The following EXPH5 variants were observed in gnomAD, a reference collection of about 807,000 sequenced individuals.
The protein encoded by EXPH5 is exophilin 5, also known as exophilin-5.
In EXPH5, 42 loss-of-function variants were observed where a neutral mutation model predicts 41.1. The ratio of observed to expected loss-of-function variants is 1.02; its 90% CI spans 0.80 to 1.32. The LOEUF (loss-of-function observed/expected upper bound fraction) is 1.32, where lower values mean the gene tolerates loss of function less well. EXPH5 is among the 40% of genes most tolerant of loss of function. The probability of loss-of-function intolerance (pLI) is 0.00; values close to 1 mark genes in which losing one functional copy is unlikely to be tolerated. For synonymous variants in EXPH5, 798 were observed against 833.5 expected (o/e 0.96, Z 0.73); for missense variants, 2,298 against 2,314.5 (o/e 0.99, Z 0.15).
At chr11:108,573,207 A>G (rs2094068829) in intron 1 of EXPH5, among the ~76,000 whole-genome samples, 1 of 148,584 alleles carries the variant, frequency 6.7e-6, no homozygotes, top group Admixed American at 6.7e-5. Flanking sequence ...AAAAAGAAAG[A>G]AAGAAAGAAA....
At chr11:108,526,038 C>T (rs1258270126) in intron 4 of EXPH5, among the ~76,000 whole-genome samples, 2 of 151,630 alleles carry the variant, frequency 1.3e-5, no homozygotes, top group African/African-American at 4.8e-5. Context: ...CCTCAGCTTC[C>T]TGATTAGCTG....
Position 108,507,440 on chromosome 11 carries a change from C to T in EXPH5, c.*2097G>A, listed in dbSNP as rs185049322. On this transcript the variant is annotated 3_prime_UTR_variant, in exon 6 of 6. Coordinates refer to ENST00000265843, the MANE Select transcript of EXPH5 (RefSeq NM_015065.3). ...AAAAATGGAAAATTAGATTAGGTCGCGAAGCAAATATAAACCAAGCAAGAT... is the reference window on the plus strand; with the variant it reads ...AAAAATGGAAAATTAGATTAGGTCGTGAAGCAAATATAAACCAAGCAAGAT... The T allele has an allele frequency of 3.3e-5, 5 of 152,204 alleles. No individual in the cohort carries two copies. The highest frequency in any genetic ancestry group is 4.1e-4 in the South Asian group (2 of 4,822). The allele number at this position is 152,204 out of a possible 1,614,324, so 9.4% of individuals were successfully genotyped here. A position where few individuals can be genotyped will look rare whatever the true frequency, so the allele number is the denominator to read the frequency against.
intron 4 of EXPH5, among the ~76,000 whole-genome samples, chr11:108,524,725 G>A (rs2135970226): frequency 6.6e-6 from 1 of 152,298 alleles, no homozygotes; most frequent in South Asian, 2.1e-4. Context: ...GTTATCAAAT[G>A]CCTTGGTAAA....
intron 1 of EXPH5, among the ~76,000 whole-genome samples, chr11:108,585,360 G>A (rs1009198561): frequency 3.9e-5 from 6 of 152,172 alleles, no homozygotes; most frequent in African/African-American, 1.4e-4. Context: ...GTAAGGGATG[G>A]GGCCTTTGGC....
rs201189618 is a variant in EXPH5 at position 108,541,849 on chromosome 11, A to G, written c.120-37T>C. 18 of 1,488,392 alleles carry G rather than the reference A, an allele frequency of 1.2e-5. No homozygotes were observed. In the East Asian group the frequency reaches 3.9e-4, roughly 32 times the overall value. 92.2% of individuals were successfully genotyped at this position (1,488,392 alleles called of 1,614,324 possible). Reference sequence around the variant, plus strand: ...TAAAACATTAATGTGGTCTTTATTTATTTTCTTAACATCAAGCTCATCCTT... The same window carrying G: ...TAAAACATTAATGTGGTCTTTATTTGTTTTCTTAACATCAAGCTCATCCTT... On this transcript the variant is annotated intron_variant, in intron 1 of 5. Coordinates refer to ENST00000265843, the MANE Select transcript of EXPH5 (RefSeq NM_015065.3).
At position 108,560,539 on chromosome 11, in the gene EXPH5, T is replaced by G. The variant is rs994347541; in HGVS notation, c.120-18727A>C. On this transcript the variant is annotated intron_variant, in intron 1 of 5. Transcript: ENST00000265843. ...AACTTTGAGCATTCCTCTTGAATCC[T>G]TGCACTAAAGGTTATCATTAGAATG... Among the ~76,000 whole-genome samples, 9 of 152,370 alleles carry G rather than the reference T, an allele frequency of 5.9e-5. No individual in the cohort carries two copies. The East Asian group carries it at 1.5e-3, about 26-fold the overall frequency.
At chr11:108,518,947 G>T (rs1452463453) in intron 4 of EXPH5, among the ~76,000 whole-genome samples, 1 of 152,310 alleles carries the variant, frequency 6.6e-6, no homozygotes, top group East Asian at 1.9e-4. Context: ...ACATCAGGAA[G>T]TTACTCTATA....
rs769328357 is a variant in EXPH5 at position 108,510,837 on chromosome 11, T to A, written c.4670A>T (p.Asp1557Val). 1.9e-6 allele frequency: 3 copies of A among 1,614,210 alleles called. No individual in the cohort carries two copies. Among genetic ancestry groups the A allele is most frequent in the Non-Finnish European group, 2.5e-6 (3 of 1,180,016 alleles). ...ANMTESRKAE[D>V]EMQKSAWDQP... ...ATCCCAAGCTGACTTCTGCATTTCA[T>A]CTTCAGCCTTCCTGCTCTCTGTCAT... is the stretch of plus-strand genomic sequence containing the variant. The change falls in exon 6 of 6, where the codon GAT becomes GTT. Residue 1557 changes from aspartate to valine, a missense_variant. Coordinates refer to ENST00000265843, the MANE Select transcript of EXPH5 (RefSeq NM_015065.3).
upstream of EXPH5, among the ~76,000 whole-genome samples, chr11:108,594,797 A>G (rs1039069101): frequency 6.6e-6 from 1 of 152,208 alleles, no homozygotes; most frequent in African/African-American, 2.4e-5. Context: ...AAAATTTTGT[A>G]TCTGTACAAG....
chr11:108,512,517 C>T lies in EXPH5; in HGVS notation c.2990G>A (p.Ser997Asn). Residue 997 changes from serine to asparagine, a missense_variant, in exon 6 of 6, where the codon AGT becomes AAT. Ser to Asn is a conservative substitution (Grantham distance 46). Coordinates refer to ENST00000265843, the MANE Select transcript of EXPH5 (RefSeq NM_015065.3). ...TGCTTCAATGAGGCTCCTGTGATCA[C>T]TGGTGGGTACTGATATACTTTCTGT... is the stretch of plus-strand genomic sequence containing the variant. ...SKTESISVPTSDHRSLIEANQ... is the reference protein window; with the variant it reads ...SKTESISVPTNDHRSLIEANQ... 6.2e-7 allele frequency: 1 copy of T among 1,613,806 alleles called. No homozygotes were observed. Among genetic ancestry groups the T allele is most frequent in the Non-Finnish European group, 8.5e-7 (1 of 1,179,954 alleles).
At chr11:108,566,800 G>A (rs1021718971) in intron 1 of EXPH5, among the ~76,000 whole-genome samples, 1 of 152,134 alleles carries the variant, frequency 6.6e-6, no homozygotes, top group African/African-American at 2.4e-5. Context: ...TCTTCTGGAG[G>A]CTTCCTATGC....
At chr11:108,556,853 T>C (rs1372446063) in intron 1 of EXPH5, among the ~76,000 whole-genome samples, 1 of 152,200 alleles carries the variant, frequency 6.6e-6, no homozygotes, top group Non-Finnish European at 1.5e-5. Context: ...CTCCAGCAGC[T>C]TCTCATCATG....
At chr11:108,557,392 A>G (rs1052923848) in intron 1 of EXPH5, among the ~76,000 whole-genome samples, 1 of 152,222 alleles carries the variant, frequency 6.6e-6, no homozygotes, top group African/African-American at 2.4e-5. Flanking sequence ...GATTAAGAAA[A>G]GAAAAGTAAA....
intron 1 of EXPH5, among the ~76,000 whole-genome samples, chr11:108,555,992 G>T (rs2093988086): frequency 6.6e-6 from 1 of 152,100 alleles, no homozygotes; most frequent in Non-Finnish European, 1.5e-5. Flanking sequence ...TTCCATCCAG[G>T]CTCCATACAG....
At chr11:108,519,061 A>T (rs1179880092) in intron 4 of EXPH5, among the ~76,000 whole-genome samples, 1 of 152,236 alleles carries the variant, frequency 6.6e-6, no homozygotes, top group Non-Finnish European at 1.5e-5. Context: ...GGGCTGCTCT[A>T]TGAAGTAGCC....
Position 108,513,079 on chromosome 11 carries a change from G to A in EXPH5, c.2428C>T (p.Leu810Phe). ...GTTCTGTGTTCCTGAATGAAAGGAA[G>A]GGAAGCTGTTGAGCCAAGTTTTCTG... is the stretch of plus-strand genomic sequence containing the variant. Reference protein sequence around the residue: ...ENRKLGSTASLPFIQEHRTPP... With the variant: ...ENRKLGSTASFPFIQEHRTPP... Residue 810 changes from leucine to phenylalanine, a missense_variant, in exon 6 of 6, where the codon CTT (leucine) becomes TTT (phenylalanine). Transcript: ENST00000265843. The A allele has an allele frequency of 6.2e-7, 1 of 1,611,724 alleles. No individual in the cohort carries two copies. The highest frequency in any genetic ancestry group is 8.5e-7 in the Non-Finnish European group (1 of 1,179,392).
At chr11:108,555,654 G>A (rs1397883982) in intron 1 of EXPH5, among the ~76,000 whole-genome samples, 2 of 152,288 alleles carry the variant, frequency 1.3e-5, no homozygotes, top group African/African-American at 2.4e-5. Flanking sequence ...GTGGGACCTC[G>A]TGGGAGGTGA....
chr11:108,515,899 C>A (rs190574177), intron 5 of EXPH5, among the ~76,000 whole-genome samples: 7 of 151,934 alleles, frequency 4.6e-5, no homozygotes, highest in African/African-American at 1.7e-4. Context: ...GGTGAAACCC[C>A]GTCTCCACTA....
intron 4 of EXPH5, among the ~76,000 whole-genome samples, chr11:108,519,950 C>CAAAAAA (rs71050861): frequency 6.4e-5 from 4 of 62,048 alleles, no homozygotes; most frequent in African/African-American, 1.3e-4. Flanking sequence ...GACTCTGTCT[C>CAAAAAA]AAAAAAAAAA....
Sources: allele counts gnomAD v4.1 joint callset (sites outside exome capture counted in the v4.1 genomes callset), GRCh38; gene constraint gnomAD v4.1.1; transcripts MANE v1.5; gene names NCBI Gene and HGNC (gene_info 2026-07-23, HGNC 2026-07-21).